Variants in ARHGAP20 observed in about 807,000 individuals in gnomAD.
The protein encoded by ARHGAP20 is rho GTPase-activating protein 20.
Under a neutral mutation model 73.7 loss-of-function variants are expected in ARHGAP20, and 34 were observed. That is an observed-to-expected ratio of 0.46 (90% CI 0.35 to 0.61). The LOEUF is 0.61. Ranked by LOEUF, ARHGAP20 falls within the 20% of genes least tolerant of loss-of-function variation. The pLI is 0.00. For missense variants in ARHGAP20, 1,314 were observed against 1,420.9 expected, an observed-to-expected ratio of 0.92 and a Z score of 1.21; for synonymous variants, 523 against 518.2, an observed-to-expected ratio of 1.01 and a Z score of -0.13.
chr11:110,606,126 T>C (rs1414922215), intron 9 of ARHGAP20, among the ~76,000 whole-genome samples: 2 of 152,220 alleles, frequency 1.3e-5, no homozygotes, highest in Admixed American at 1.3e-4. Flanking sequence ...GAAATCATCT[T>C]AGTCTTCACA....
At chr11:110,601,646 A>C (rs779139668) in intron 9 of ARHGAP20, among the ~76,000 whole-genome samples, 15 of 152,294 alleles carry the variant, frequency 9.8e-5, no homozygotes, top group Admixed American at 5.9e-4. Context: ...AGTTGAAAAA[A>C]ATTCAAAAGA....
rs1324212131 is a variant in ARHGAP20, at chr11:110,577,680, A to G, written c.*1690T>C. 1.0e-6 allele frequency: 1 copy of G among 985,704 alleles called. No homozygotes were observed. Among genetic ancestry groups the G allele is most frequent in the Non-Finnish European group, 1.2e-6 (1 of 829,900 alleles). The allele number at this position is 985,704 out of a possible 1,614,324, so 61.1% of individuals were successfully genotyped here. ...TTAGTTATAAAGTGAAATCGACTTC[A>G]CATCTGTGACTCAGATGGCCAGTGT... is the stretch of plus-strand genomic sequence containing the variant. On this transcript the variant is annotated 3_prime_UTR_variant, in exon 15 of 15. Transcript: ENST00000683387.
chr11:110,587,319 T>C (rs1947696674), intron 11 of ARHGAP20, among the ~76,000 whole-genome samples: 2 of 152,188 alleles, frequency 1.3e-5, no homozygotes, highest in Non-Finnish European at 2.9e-5. Context: ...TTAAGTACCA[T>C]ACACATGGTT....
intron 12 of ARHGAP20, among the ~76,000 whole-genome samples, chr11:110,584,375 T>TACTA (rs1442976436): frequency 2.2e-5 from 1 of 46,230 alleles, no homozygotes; most frequent in East Asian, 6.0e-4. Flanking sequence ...CAAAAATGAC[T>TACTA]ACTATTATCC....
At chr11:110,711,773 CGGCGAGGGGTCGGGGAAA>C in intron 1 of ARHGAP20, 1 of 1,351,588 alleles carries the variant, frequency 7.4e-7, no homozygotes, top group East Asian at 3.1e-5. Flanking sequence ...CCCAGGGGCA[CGGCGAGGGGTCGGGGAAA>C]GGCGATCGCC....
intron 2 of ARHGAP20, among the ~76,000 whole-genome samples, chr11:110,673,086 C>A (rs994875119): frequency 6.6e-6 from 1 of 152,076 alleles, no homozygotes; most frequent in South Asian, 2.1e-4. Context: ...CAAAAAAATC[C>A]TGCTGAGCCA....
chr11:110,590,648 C>CTTAA lies in ARHGAP20; in HGVS notation c.1304_1305insTTAA (p.Lys435AsnfsTer2), dbSNP rs1947801799. On this transcript the variant is annotated stop_gained and frameshift_variant and splice_region_variant, in exon 11 of 15. Coordinates refer to ENST00000683387, the MANE Select transcript of ARHGAP20 (RefSeq NM_001384657.1). LOFTEE classifies it high-confidence loss of function. The stretch of plus-strand genomic sequence containing the variant: ...TGGATAAAGGGATGACTCTTCTTAC[C>CTTAA]TTTAAGACAGATGCTATCACAAAAA... 6.2e-7 allele frequency: 1 copy of CTTAA among 1,613,010 alleles called. No individual in the cohort carries two copies. The highest frequency in any genetic ancestry group is 8.5e-7 in the Non-Finnish European group (1 of 1,179,612).
chr11:110,646,492 A>T (rs903503268), intron 2 of ARHGAP20, among the ~76,000 whole-genome samples: 2 of 152,184 alleles, frequency 1.3e-5, no homozygotes, highest in Non-Finnish European at 2.9e-5. Flanking sequence ...GAAAAAACTC[A>T]TTAGAGGCTT....
At chr11:110,594,048 A>G (rs188735348) in intron 9 of ARHGAP20, among the ~76,000 whole-genome samples, 14 of 152,388 alleles carry the variant, frequency 9.2e-5, no homozygotes, top group Non-Finnish European at 1.6e-4. Context: ...TTTCAGTGGA[A>G]TTAGACATGT....
chr11:110,582,325 G>A lies in ARHGAP20; in HGVS notation c.1716C>T (p.Ala572=). The A allele has an allele frequency of 6.2e-7, 1 of 1,602,080 alleles. No homozygotes were observed. The highest frequency in any genetic ancestry group is 8.6e-7 in the Non-Finnish European group (1 of 1,169,224). Residue 572 remains alanine (A), a synonymous_variant, in exon 14 of 15, where the codon GCC becomes GCT. Coordinates refer to ENST00000683387, the MANE Select transcript of ARHGAP20 (RefSeq NM_001384657.1). ...CAATCCAATTATTCACAATACCTGA[G>A]GCATTCTCTCTAGTGTCACATCTCA... ...VSVRCDTREN[A]SDISCFQLND... is the part of the protein sequence containing the mutation.
intron 1 of ARHGAP20, among the ~76,000 whole-genome samples, chr11:110,706,403 AG>A (rs1950553523): frequency 6.6e-6 from 1 of 152,144 alleles, no homozygotes; most frequent in African/African-American, 2.4e-5. Flanking sequence ...TCACTTAAAG[AG>A]GTTTTTAAAT....
chr11:110,657,488 C>A (rs1263255541), intron 2 of ARHGAP20, among the ~76,000 whole-genome samples: 7 of 151,658 alleles, frequency 4.6e-5, no homozygotes, highest in Non-Finnish European at 1.0e-4. Context: ...GATGATCTGG[C>A]CAAGAAAAGT....
At position 110,630,656 on chromosome 11, in the gene ARHGAP20, T is replaced by G; in HGVS notation, c.325A>C (p.Asn109His). Residue 109 changes from asparagine (N) to histidine (H), a missense_variant, in exon 3 of 15, where the codon AAT (asparagine) becomes CAT (histidine). Physicochemically the swap from Asn to His is moderately conservative, Grantham distance 68. Transcript: ENST00000683387. The part of the protein sequence containing the change: ...QRQERHLFLF[N>H]DLFVVAKIKY... ...ATTTTGGCCACAACAAACAGATCAT[T>G]GAATAGGAAAAGATGCCGCTCCTGC... 1.2e-6 allele frequency: 2 copies of G among 1,614,042 alleles called. No individual in the cohort carries two copies. The highest frequency in any genetic ancestry group is 2.2e-5 in the South Asian group (2 of 91,076).
intron 8 of ARHGAP20, among the ~76,000 whole-genome samples, chr11:110,607,852 GC>G (rs1263720752): frequency 9.2e-5 from 14 of 152,148 alleles, no homozygotes; most frequent in Admixed American, 7.2e-4. Flanking sequence ...TAGTCAGGAA[GC>G]TTGGGGCTGT....
chr11:110,620,409 T>C (rs759668315), intron 4 of ARHGAP20, among the ~76,000 whole-genome samples: 10 of 152,178 alleles, frequency 6.6e-5, no homozygotes, highest in Non-Finnish European at 1.2e-4. Flanking sequence ...CCTCAGCCTT[T>C]CAAGCAGCTG....
At chr11:110,701,198 T>A (rs1428685340) in intron 1 of ARHGAP20, among the ~76,000 whole-genome samples, 2 of 149,046 alleles carry the variant, frequency 1.3e-5, no homozygotes, top group African/African-American at 2.6e-5. Context: ...TAGTTTACAG[T>A]CCAACAGTGT....
At chr11:110,683,688 A>T (rs1448124632) in intron 2 of ARHGAP20, among the ~76,000 whole-genome samples, 1 of 152,132 alleles carries the variant, frequency 6.6e-6, no homozygotes, top group Non-Finnish European at 1.5e-5. Flanking sequence ...AAATATGTAC[A>T]ATTATTATGT....
intron 9 of ARHGAP20, 144 bp downstream of exon 9, chr11:110,606,417 A>G (rs2134875537): frequency 3.3e-6 from 3 of 897,370 alleles, no homozygotes; most frequent in Non-Finnish European, 5.1e-6. Context: ...TTATAAAACC[A>G]TCTTCTTCTA....
At chr11:110,643,578 G>C (rs915434138) in intron 2 of ARHGAP20, among the ~76,000 whole-genome samples, 3 of 152,054 alleles carry the variant, frequency 2.0e-5, no homozygotes, top group African/African-American at 7.2e-5. Context: ...ATGTGGTTTT[G>C]AGAAATCTTC....
Sources: allele counts gnomAD v4.1 joint callset (sites outside exome capture counted in the v4.1 genomes callset), GRCh38; gene constraint gnomAD v4.1.1; transcripts MANE v1.5; gene names NCBI Gene and HGNC (gene_info 2026-07-23, HGNC 2026-07-21).